TTYH2: variants seen among roughly 807,000 people sequenced by gnomAD.
TTYH2 encodes tweety family member 2.
TTYH2 carries 49 observed loss-of-function variants against 68.3 expected under a neutral mutation model. That is an observed-to-expected ratio of 0.72 (90% CI 0.57 to 0.91). TTYH2 has a LOEUF of 0.91. TTYH2 is among the 40% of genes least tolerant of loss of function. TTYH2 has a pLI of 0.00. For synonymous variants in TTYH2, 272 were observed against 300.8 expected (o/e 0.90, Z 0.99); for missense variants, 631 against 700.4 (o/e 0.90, Z 1.12).
At chr17:74,220,065 C>CA (rs1567809443) in intron 1 of TTYH2, among the ~76,000 whole-genome samples, 1 of 151,318 alleles carries the variant, frequency 6.6e-6, no homozygotes, top group East Asian at 1.9e-4. Flanking sequence ...AGGCTAGACT[C>CA]AAACTCCTGG....
intron 10 of TTYH2, 127 bp downstream of exon 10, chr17:74,250,484 C>A: frequency 1.3e-6 from 1 of 760,724 alleles, no homozygotes; most frequent in Non-Finnish European, 2.1e-6. Flanking sequence ...AGGAATGGAA[C>A]TGAAGCCAGA....
intron 10 of TTYH2, among the ~76,000 whole-genome samples, chr17:74,251,312 G>T (rs1168278084): frequency 4.0e-5 from 6 of 148,792 alleles, no homozygotes; most frequent in Non-Finnish European, 8.9e-5. Context: ...CATGTGTGTT[G>T]TGTGCACATG....
chr17:74,250,064 T>A, intron 9 of TTYH2, 36 bp downstream of exon 9: 3 of 1,609,066 alleles, frequency 1.9e-6, no homozygotes, highest in Non-Finnish European at 2.6e-6. Flanking sequence ...GAGCCCCAGA[T>A]GAACCCTGAC....
Position 74,225,275 on chromosome 17 carries a change from T to C in TTYH2, c.302+2618T>C, listed in dbSNP as rs181073572. Among the ~76,000 whole-genome samples the C allele has an allele frequency of 4.4e-4, 67 of 150,588 alleles. 2 individuals are homozygous for C. The East Asian group carries it at 0.012, about 27-fold the overall frequency. ...AGAGCAGAGGGAGCAGATGAGGGGG[T>C]TGGGGGCACTGTCGAGGGTCGGGGT... On this transcript the variant is annotated intron_variant, in intron 2 of 13. Coordinates refer to ENST00000269346, the MANE Select transcript of TTYH2 (RefSeq NM_032646.6).
chr17:74,260,356 A>G lies in TTYH2; in HGVS notation c.*147A>G. 1.3e-6 allele frequency: 1 copy of G among 793,582 alleles called. No individual in the cohort carries two copies. Among genetic ancestry groups the G allele is most frequent in the Non-Finnish European group, 2.1e-6 (1 of 482,122 alleles). 49.2% of individuals were successfully genotyped at this position (793,582 alleles called of 1,614,324 possible). A position where few individuals can be genotyped will look rare whatever the true frequency, so the allele number is the denominator to read the frequency against. ...AGAGGAGCAGCTGGGATTCCCGACC[A>G]AAGCCCCAGGGGGTGCAGAAGACTC... On this transcript the variant is annotated 3_prime_UTR_variant, in exon 14 of 14. Transcript: ENST00000269346.
chr17:74,233,417 A>G (rs1409959248), intron 3 of TTYH2, among the ~76,000 whole-genome samples: 1 of 152,242 alleles, frequency 6.6e-6, no homozygotes, highest in African/African-American at 2.4e-5. Flanking sequence ...GGTAGACTGT[A>G]AAGTACACTC....
rs995547655 is a variant in TTYH2, at chr17:74,261,989, C to G, written c.*1780C>G. 4 of 152,610 alleles carry G rather than the reference C, an allele frequency of 2.6e-5. No individual in the cohort carries two copies. The highest frequency in any genetic ancestry group is 5.9e-5 in the Non-Finnish European group (4 of 68,038). The allele number at this position is 152,610 out of a possible 1,614,324, so 9.5% of individuals were successfully genotyped here. A position where few individuals can be genotyped will look rare whatever the true frequency, so the allele number is the denominator to read the frequency against. On this transcript the variant is annotated 3_prime_UTR_variant, in exon 14 of 14. Transcript: ENST00000269346. The stretch of plus-strand genomic sequence containing the variant: ...CTTTGCTTATATACATGCGGCCTCA[C>G]CTGGAAGAGAAATAAACCACTTGTA...
chr17:74,220,059 T>C (rs2050260817), intron 1 of TTYH2, among the ~76,000 whole-genome samples: 1 of 151,858 alleles, frequency 6.6e-6, no homozygotes, highest in African/African-American at 2.4e-5. Flanking sequence ...TAGCCCAGGC[T>C]AGACTCAAAC....
chr17:74,243,929 G>A (rs1241010888), intron 5 of TTYH2, 48 bp from the exon 6 acceptor site: 2 of 1,589,084 alleles, frequency 1.3e-6, no homozygotes, highest in South Asian at 2.2e-5. Flanking sequence ...TGATGGCTGA[G>A]AGGAAGGGGA....
intron 13 of TTYH2, 147 bp downstream of exon 13, chr17:74,253,980 C>T (rs1428515096): frequency 3.9e-5 from 31 of 785,528 alleles, no homozygotes; most frequent in Non-Finnish European, 5.8e-5. Flanking sequence ...CGTGGGTATC[C>T]CAGGCAGTCC....
chr17:74,219,142 G>C lies in TTYH2; in HGVS notation c.130-3343G>C, dbSNP rs375502988. 9.9e-5 allele frequency among the ~76,000 whole-genome samples: 15 copies of C among 152,048 alleles called. No homozygotes were observed. The South Asian group carries it at 2.9e-3, about 29-fold the overall frequency. On this transcript the variant is annotated intron_variant, in intron 1 of 13. Transcript: ENST00000269346. ...TGAGGCAGGAGAATCACTTGAACCT[G>C]GGAGGCGGAGGTTATAGTCAGCCGA...
At chr17:74,224,723 G>A (rs971425543) in intron 2 of TTYH2, among the ~76,000 whole-genome samples, 1 of 152,174 alleles carries the variant, frequency 6.6e-6, no homozygotes, top group Non-Finnish European at 1.5e-5. Context: ...GAGAGGGCTG[G>A]GCGTGGTGGC....
Position 74,215,583 on chromosome 17 carries a change from G to A in TTYH2, c.129+1867G>A. 1.3e-6 allele frequency: 2 copies of A among 1,518,390 alleles called. No individual in the cohort carries two copies. The highest frequency in any genetic ancestry group is 1.8e-6 in the Non-Finnish European group (2 of 1,132,562). 94.1% of individuals were successfully genotyped at this position (1,518,390 alleles called of 1,614,324 possible). The stretch of plus-strand genomic sequence containing the variant: ...CACTGCTCCTGGGCAGCTGACACCA[G>A]CCCTGCCCACTGGCTCCTGGTCCCG... On this transcript the variant is annotated intron_variant, in intron 1 of 13. Coordinates refer to ENST00000269346, the MANE Select transcript of TTYH2 (RefSeq NM_032646.6). The surrounding 1 kb of genome is among the most constrained non-coding windows in gnomAD (Gnocchi z 4.3).
chr17:74,253,835 T>C lies in TTYH2; in HGVS notation c.1524+2T>C. 1.9e-6 allele frequency: 3 copies of C among 1,614,110 alleles called. No individual in the cohort carries two copies. In the East Asian group the frequency reaches 6.7e-5, roughly 36 times the overall value. Reference sequence around the variant, plus strand: ...GGGAGAGCCTCCCCTCCGCCTACGGTAATTGGGGCTCTGGCCCTTCCTTGT... The same window carrying C: ...GGGAGAGCCTCCCCTCCGCCTACGGCAATTGGGGCTCTGGCCCTTCCTTGT... On this transcript the variant is annotated splice_donor_variant, in intron 13 of 13. Coordinates refer to ENST00000269346, the MANE Select transcript of TTYH2 (RefSeq NM_032646.6). LOFTEE classifies it high-confidence loss of function.
intron 7 of TTYH2, 124 bp downstream of exon 7, chr17:74,249,204 C>T: frequency 6.4e-7 from 1 of 1,561,920 alleles, no homozygotes; most frequent in South Asian, 1.1e-5. Context: ...AAGTCCAGCT[C>T]ATGCTCTAGG....
intron 1 of TTYH2, among the ~76,000 whole-genome samples, chr17:74,218,781 A>T (rs976144494): frequency 2.0e-5 from 3 of 152,186 alleles, no homozygotes; most frequent in Middle Eastern, 3.4e-3. Context: ...CTGGGTGGGG[A>T]CATTGGTAGA....
chr17:74,229,964 C>CTACTA (rs1176834181), intron 2 of TTYH2, among the ~76,000 whole-genome samples: 1 of 152,166 alleles, frequency 6.6e-6, no homozygotes, highest in African/African-American at 2.4e-5. Flanking sequence ...AACCTCCTTT[C>CTACTA]TACTAATAAT....
Position 74,214,004 on chromosome 17 carries a change from A to G in TTYH2, c.129+288A>G, listed in dbSNP as rs2050197678. On this transcript the variant is annotated intron_variant, in intron 1 of 13. Coordinates refer to ENST00000269346, the MANE Select transcript of TTYH2 (RefSeq NM_032646.6). This position sits in a 1 kb window ranked among gnomAD's most constrained non-coding sequence, Gnocchi z 4.6. ...GACCGCCTGCGGGGTGAGGGGCTGA[A>G]CGCTGAGCGGGCAGGGCGGCGCGGG... 6.6e-6 allele frequency among the ~76,000 whole-genome samples: 1 copy of G among 151,218 alleles called. No homozygotes were observed. The highest frequency in any genetic ancestry group is 2.4e-5 in the African/African-American group (1 of 41,128).
At chr17:74,244,939 G>A (rs1222920863) in intron 6 of TTYH2, among the ~76,000 whole-genome samples, 1 of 151,998 alleles carries the variant, frequency 6.6e-6, no homozygotes, top group Non-Finnish European at 1.5e-5. Context: ...AGTTTACCAG[G>A]GGAATTCAAG....
Sources: allele counts gnomAD v4.1 joint callset (sites outside exome capture counted in the v4.1 genomes callset), GRCh38; gene constraint gnomAD v4.1.1; non-coding constraint Gnocchi (gnomAD v3.1); transcripts MANE v1.5; gene names NCBI Gene and HGNC (gene_info 2026-07-23, HGNC 2026-07-21).